The following AGBL1 variants were observed in gnomAD, a reference collection of about 807,000 sequenced individuals.
AGBL1 encodes cytosolic carboxypeptidase 4.
In AGBL1, 130 loss-of-function variants were observed where a neutral mutation model predicts 118.9. The observed-to-expected ratio is 1.09, with a 90% CI of 0.95 to 1.26. The LOEUF (loss-of-function observed/expected upper bound fraction) is 1.26, where lower values mean the gene tolerates loss of function less well. Ranked by LOEUF, AGBL1 falls within the 50% of genes most tolerant of loss-of-function variation. The probability of loss-of-function intolerance (pLI) is 0.00; values close to 1 mark genes in which losing one functional copy is unlikely to be tolerated. For synonymous variants in AGBL1, 555 were observed against 478.9 expected (o/e 1.16, Z -2.08); for missense variants, 1,584 against 1,298.1 (o/e 1.22, Z -3.38).
At chr15:86,672,350 A>T (rs1024494859) in intron 21 of AGBL1, among the ~76,000 whole-genome samples, 4 of 152,188 alleles carry the variant, frequency 2.6e-5, no homozygotes, top group African/African-American at 9.7e-5. Context: ...CTGTTATTGT[A>T]TAGAAGTTGA....
intron 24 of AGBL1, among the ~76,000 whole-genome samples, chr15:87,013,727 G>T (rs1232052928): frequency 1.3e-5 from 2 of 152,144 alleles, no homozygotes; most frequent in African/African-American, 2.4e-5. Context: ...CCCGACTGAA[G>T]AATTTGGAGG....
At chr15:86,966,743 G>A (rs928916779) in intron 23 of AGBL1, among the ~76,000 whole-genome samples, 22 of 151,968 alleles carry the variant, frequency 1.4e-4, no homozygotes, top group Non-Finnish European at 3.1e-4. Context: ...CATTTGGCTT[G>A]GTTCCAAGTC....
chr15:86,335,118 A>G lies in AGBL1; in HGVS notation c.2374+39710A>G, dbSNP rs1183857514. On this transcript the variant is annotated intron_variant, in intron 17 of 22. Transcript: ENST00000614907. ...TGGATACCACAGAAGAAAGACTGAG[A>G]GACATGGAAGGTAGATTAAGTTATT... Among the ~76,000 whole-genome samples, 3 of 151,440 alleles carry G rather than the reference A, an allele frequency of 2.0e-5. No homozygotes were observed. In the East Asian group the frequency reaches 5.8e-4, roughly 29 times the overall value.
chr15:86,526,237 AAAAG>A (rs1347653577), intron 19 of AGBL1, among the ~76,000 whole-genome samples: 1 of 152,104 alleles, frequency 6.6e-6, no homozygotes, highest in Non-Finnish European at 1.5e-5. Flanking sequence ...GGATGCAGTC[AAAAG>A]GGAATGCTTA....
At chr15:86,647,168 A>G (rs2085294536) in intron 21 of AGBL1, among the ~76,000 whole-genome samples, 1 of 152,166 alleles carries the variant, frequency 6.6e-6, no homozygotes, top group African/African-American at 2.4e-5. Context: ...TTAATAGTTT[A>G]AAAATCTTAA....
intron 18 of AGBL1, among the ~76,000 whole-genome samples, chr15:86,504,615 A>G (rs1401402131): frequency 1.3e-5 from 2 of 151,620 alleles, no homozygotes; most frequent in Non-Finnish European, 3.0e-5. Flanking sequence ...TAATATTGAT[A>G]TATAACAATC....
rs1285573743 is a variant in AGBL1, at chr15:86,119,408, C to A, written c.52-22596C>A. Among the ~76,000 whole-genome samples, 3 of 151,936 alleles carry A rather than the reference C, an allele frequency of 2.0e-5. No homozygotes were observed. The East Asian group carries it at 5.8e-4, about 29-fold the overall frequency. ...CTGATGGGCTTCTTCTGGCTCCTCT[C>A]TCAACTATCCCCACATCCTGCAAAT... On this transcript the variant is annotated intron_variant, in intron 1 of 22. Transcript: ENST00000614907.
chr15:86,447,644 C>T (rs772675459), intron 18 of AGBL1, among the ~76,000 whole-genome samples: 30 of 152,232 alleles, frequency 2.0e-4, no homozygotes, highest in Admixed American at 3.9e-4. Flanking sequence ...CTCTAAGTCT[C>T]ATCCCAAATA....
At chr15:86,942,328 T>C (rs2080763282) in intron 23 of AGBL1, among the ~76,000 whole-genome samples, 1 of 152,224 alleles carries the variant, frequency 6.6e-6, no homozygotes, top group Non-Finnish European at 1.5e-5. Context: ...GAGGAAGTCA[T>C]GGTTCTACTC....
At chr15:86,560,924 G>T (rs148514643) in intron 21 of AGBL1, among the ~76,000 whole-genome samples, 4,005 of 152,118 alleles carry the variant, frequency 0.026, 91 homozygotes, top group Middle Eastern at 0.065. Context: ...GTCTGTTGGC[G>T]GCATAAATGT....
At chr15:86,156,204 A>T (rs1322894956) in intron 4 of AGBL1, among the ~76,000 whole-genome samples, 2 of 152,166 alleles carry the variant, frequency 1.3e-5, no homozygotes, top group Non-Finnish European at 2.9e-5. Context: ...TACAGGCGTG[A>T]GCCACCATGC....
intron 21 of AGBL1, among the ~76,000 whole-genome samples, chr15:86,667,997 T>G (rs1269995814): frequency 6.6e-6 from 1 of 151,994 alleles, no homozygotes; most frequent in Non-Finnish European, 1.5e-5. Flanking sequence ...ATGGCAGAGG[T>G]GAAGCGGGAG....
intron 1 of AGBL1, among the ~76,000 whole-genome samples, chr15:86,081,411 G>A (rs1895277213): frequency 1.3e-5 from 2 of 152,184 alleles, no homozygotes; most frequent in South Asian, 4.1e-4. Context: ...ACCTTCAGGT[G>A]TGCAGATAAG....
intron 24 of AGBL1, among the ~76,000 whole-genome samples, chr15:87,022,872 G>A (rs1478183507): frequency 6.6e-6 from 1 of 152,044 alleles, no homozygotes; most frequent in Non-Finnish European, 1.5e-5. Context: ...CTTCATATAT[G>A]AAGGAAAGAT....
At chr15:86,700,635 A>T (rs976738494) in intron 22 of AGBL1, among the ~76,000 whole-genome samples, 2 of 152,078 alleles carry the variant, frequency 1.3e-5, no homozygotes, top group Admixed American at 1.3e-4. Flanking sequence ...TGCAATTTTC[A>T]GCTGGTGAAA....
intron 22 of AGBL1, among the ~76,000 whole-genome samples, chr15:86,895,370 TTTCCAG>T (rs2080110648): frequency 2.0e-5 from 3 of 151,862 alleles, no homozygotes; most frequent in Admixed American, 6.6e-5. Flanking sequence ...AAGAGTAGAC[TTTCCAG>T]TTCTTTATCT....
intron 18 of AGBL1, among the ~76,000 whole-genome samples, chr15:86,494,451 TC>T (rs1209231079): frequency 2.6e-5 from 4 of 152,000 alleles, no homozygotes; most frequent in Non-Finnish European, 5.9e-5. Flanking sequence ...CATTATTCTT[TC>T]CCCTCACTGG....
intron 21 of AGBL1, chr15:86,630,698 A>G (rs758164072): frequency 5.9e-5 from 9 of 152,228 alleles, no homozygotes; most frequent in Non-Finnish European, 1.0e-4. Context: ...TGACAAGAAC[A>G]AAGTGAGCTC....
At chr15:86,327,215 G>A (rs1393287261) in intron 17 of AGBL1, among the ~76,000 whole-genome samples, 3 of 152,156 alleles carry the variant, frequency 2.0e-5, no homozygotes, top group African/African-American at 7.2e-5. Context: ...GACCCAATGT[G>A]GAGGGTGTGC....
Sources: gnomAD v4.1 joint callset for allele counts (sites outside exome capture counted in the v4.1 genomes callset) on GRCh38, gnomAD v4.1.1 for gene constraint, MANE v1.5 for transcripts, NCBI Gene and HGNC (gene_info 2026-07-23, HGNC 2026-07-21) for gene names.